Variants in CEMIP observed in about 807,000 individuals in gnomAD.
The protein encoded by CEMIP is cell migration inducing hyaluronidase 1.
In CEMIP, 105 loss-of-function variants were observed where a neutral mutation model predicts 156.9. The ratio of observed to expected loss-of-function variants is 0.67; its 90% CI spans 0.57 to 0.79. The LOEUF (loss-of-function observed/expected upper bound fraction) is 0.79, where lower values mean the gene tolerates loss of function less well. CEMIP is among the 30% of genes least tolerant of loss of function. The pLI is 0.00. For missense variants in CEMIP, 1,457 were observed against 1,769.4 expected, an observed-to-expected ratio of 0.82 and a Z score of 3.17; for synonymous variants, 676 against 668.4, an observed-to-expected ratio of 1.01 and a Z score of -0.17.
At chr15:80,835,340 T>G (rs912419382) in intron 1 of CEMIP, among the ~76,000 whole-genome samples, 4 of 152,126 alleles carry the variant, frequency 2.6e-5, no homozygotes, top group African/African-American at 9.7e-5. Flanking sequence ...CATCGCTGAG[T>G]TCCAAAGTAG....
At chr15:80,892,698 C>T (rs1171286395) in intron 10 of CEMIP, among the ~76,000 whole-genome samples, 2 of 152,232 alleles carry the variant, frequency 1.3e-5, no homozygotes, top group African/African-American at 4.8e-5. Context: ...CAACTCTGCA[C>T]TTGCATGACC....
At chr15:80,922,236 G>A in intron 17 of CEMIP, 99 bp downstream of exon 17, 1 of 1,471,628 alleles carries the variant, frequency 6.8e-7, no homozygotes, top group East Asian at 2.3e-5. Context: ...CGACAGCTGG[G>A]AACAACTGCA....
chr15:80,852,801 C>T (rs140839308), intron 1 of CEMIP, among the ~76,000 whole-genome samples: 300 of 152,188 alleles, frequency 2.0e-3, no homozygotes, highest in African/African-American at 6.9e-3. Flanking sequence ...GTGTGTGCAG[C>T]GTTAAGTGTC....
intron 1 of CEMIP, among the ~76,000 whole-genome samples, chr15:80,865,709 C>T (rs576097014): frequency 7.5e-4 from 113 of 150,254 alleles, no homozygotes; most frequent in African/African-American, 2.7e-3. Context: ...ATGTGTGGCC[C>T]AAGACAATTC....
At position 80,907,768 on chromosome 15, in the gene CEMIP, C is replaced by A. The variant is rs1041911821; in HGVS notation, c.1587+930C>A. ...TTCTTTTATATCACAATGCAAAGTG[C>A]CTTTTCCAGGCATATTATATTGCTT... On this transcript the variant is annotated intron_variant, in intron 13 of 29. Transcript: ENST00000394685. Among the ~76,000 whole-genome samples, 53 of 152,190 alleles carry A rather than the reference C, an allele frequency of 3.5e-4. 1 individual carries two copies. The highest frequency in any genetic ancestry group is 1.3e-4 in the Admixed American group (2 of 15,278).
chr15:80,817,398 C>G (rs546274147), intron 1 of CEMIP, among the ~76,000 whole-genome samples: 4 of 151,868 alleles, frequency 2.6e-5, no homozygotes. Flanking sequence ...AGTTCAAGAC[C>G]AGTCTGAGCA....
chr15:80,877,872 A>T (rs943287014), intron 3 of CEMIP, among the ~76,000 whole-genome samples: 1 of 152,264 alleles, frequency 6.6e-6, no homozygotes, highest in Admixed American at 6.5e-5. Context: ...CACAGATGCC[A>T]TCAGAGCAGC....
chr15:80,839,574 G>A (rs1179234179), intron 1 of CEMIP, among the ~76,000 whole-genome samples: 1 of 152,148 alleles, frequency 6.6e-6, no homozygotes, highest in Non-Finnish European at 1.5e-5. Flanking sequence ...CAGCAACGGG[G>A]CCCTGTGCAG....
At chr15:80,879,985 G>A (rs1222180262) in intron 5 of CEMIP, 131 bp downstream of exon 5, 12 of 1,034,736 alleles carry the variant, frequency 1.2e-5, no homozygotes, top group Non-Finnish European at 4.4e-6. Flanking sequence ...TGCCAGATGG[G>A]GATCATGAAC....
At chr15:80,913,403 C>A (rs1287009890) in intron 14 of CEMIP, among the ~76,000 whole-genome samples, 9 of 152,248 alleles carry the variant, frequency 5.9e-5, no homozygotes, top group African/African-American at 2.2e-4. Context: ...GCTGTCTCTC[C>A]TGCTTCATTC....
At chr15:80,803,594 A>G (rs1349796002) in intron 1 of CEMIP, among the ~76,000 whole-genome samples, 1 of 152,226 alleles carries the variant, frequency 6.6e-6, no homozygotes, top group African/African-American at 2.4e-5. Context: ...GAGTATTTGC[A>G]TTCATTATCT....
chr15:80,838,655 G>C (rs535944539), intron 1 of CEMIP, among the ~76,000 whole-genome samples: 1 of 152,038 alleles, frequency 6.6e-6, no homozygotes, highest in African/African-American at 2.4e-5. Context: ...AAAACCCCCC[G>C]TGTGATTTGT....
rs1901691896 is a variant in CEMIP, at chr15:80,948,932, T to C, written c.*8T>C. On this transcript the variant is annotated 3_prime_UTR_variant, in exon 30 of 30. Coordinates refer to ENST00000394685, the MANE Select transcript of CEMIP (RefSeq NM_001293298.2). ...AAGAAGAAGAAGTTGTGAGGACAGCTGCCGCCCGGTGCCACCTCGTGGTAG... is the reference window on the plus strand; with the variant it reads ...AAGAAGAAGAAGTTGTGAGGACAGCCGCCGCCCGGTGCCACCTCGTGGTAG... 6.2e-7 allele frequency: 1 copy of C among 1,614,206 alleles called. No individual in the cohort carries two copies. The highest frequency in any genetic ancestry group is 8.5e-7 in the Non-Finnish European group (1 of 1,180,016).
chr15:80,926,469 T>C (rs971027884), intron 19 of CEMIP, among the ~76,000 whole-genome samples: 4 of 152,196 alleles, frequency 2.6e-5, no homozygotes, highest in Non-Finnish European at 4.4e-5. Context: ...ATTTCTCTAT[T>C]TTATTGTGAC....
At chr15:80,813,802 A>C (rs934436987) in intron 1 of CEMIP, among the ~76,000 whole-genome samples, 9 of 152,180 alleles carry the variant, frequency 5.9e-5, no homozygotes, top group Non-Finnish European at 1.2e-4. Flanking sequence ...AATGATTTTG[A>C]TGTTGTACAA....
intron 23 of CEMIP, 43 bp downstream of exon 23, chr15:80,933,503 C>A: frequency 1.4e-6 from 2 of 1,477,972 alleles, no homozygotes; most frequent in Non-Finnish European, 1.9e-6. Flanking sequence ...CTTATTCACT[C>A]ATGCAACAAG....
chr15:80,820,271 C>T (rs190522370), intron 1 of CEMIP, among the ~76,000 whole-genome samples: 19 of 152,310 alleles, frequency 1.2e-4, no homozygotes, highest in Admixed American at 1.2e-3. Context: ...AAGTGGGCAG[C>T]CTGTTCCTTA....
At chr15:80,842,751 A>G (rs1897456903) in intron 1 of CEMIP, among the ~76,000 whole-genome samples, 1 of 152,096 alleles carries the variant, frequency 6.6e-6, no homozygotes, top group Non-Finnish European at 1.5e-5. Flanking sequence ...AGAGAGAGAG[A>G]GAAATCCAGG....
At chr15:80,884,610 G>A (rs937997089) in intron 7 of CEMIP, among the ~76,000 whole-genome samples, 1 of 152,182 alleles carries the variant, frequency 6.6e-6, no homozygotes, top group Non-Finnish European at 1.5e-5. Flanking sequence ...CATTCATTCA[G>A]TCGGCCACTT....
Sources: gnomAD v4.1 joint callset for allele counts (sites outside exome capture counted in the v4.1 genomes callset) on GRCh38, gnomAD v4.1.1 for gene constraint, MANE v1.5 for transcripts, NCBI Gene and HGNC (gene_info 2026-07-23, HGNC 2026-07-21) for gene names.